Variants in CPO observed in about 807,000 individuals in gnomAD.
CPO encodes carboxypeptidase O, also known as metallocarboxypeptidase C.
CPO carries 43 observed loss-of-function variants against 41.2 expected under a neutral mutation model. The observed-to-expected ratio is 1.04, with a 90% CI of 0.82 to 1.35. The LOEUF is 1.35. Among genes scored for constraint, CPO ranks in the 40% most tolerant of loss-of-function variants. The pLI, the probability that CPO is intolerant of heterozygous loss-of-function variation, is 0.00. For missense variants in CPO, 408 were observed against 451.7 expected, an observed-to-expected ratio of 0.90 and a Z score of 0.88; for synonymous variants, 178 against 162.7, an observed-to-expected ratio of 1.09 and a Z score of -0.72.
chr2:206,969,093 C>G (rs1186207713), intron 8 of CPO, 81 bp from the exon 9 acceptor site: 25 of 1,385,954 alleles, frequency 1.8e-5, no homozygotes, highest in Non-Finnish European at 2.4e-5. Flanking sequence ...ACTAAGTGAA[C>G]CTTTAGTTCC....
chr2:206,962,722 T>A, intron 7 of CPO, 108 bp downstream of exon 7: 1 of 840,606 alleles, frequency 1.2e-6, no homozygotes, highest in South Asian at 1.5e-5. Flanking sequence ...TTTTGTTCTC[T>A]CTGCTTATCC....
At chr2:206,968,601 A>C (rs187881407) in intron 8 of CPO, among the ~76,000 whole-genome samples, 1 of 152,256 alleles carries the variant, frequency 6.6e-6, no homozygotes, top group Non-Finnish European at 1.5e-5. Flanking sequence ...CTTCAGTTAA[A>C]AAGAGCTGGC....
chr2:206,967,129 C>T (rs777559938), intron 7 of CPO, among the ~76,000 whole-genome samples: 7 of 151,966 alleles, frequency 4.6e-5, no homozygotes, highest in Non-Finnish European at 8.8e-5. Context: ...TGGGATATTC[C>T]GTCCGACAGG....
intron 2 of CPO, 90 bp downstream of exon 2, chr2:206,949,803 T>G: frequency 1.3e-6 from 1 of 754,808 alleles, no homozygotes; most frequent in Non-Finnish European, 2.3e-6. Flanking sequence ...ATCCATGCAT[T>G]AGAGAGGCTG....
At chr2:206,966,324 A>G (rs1344701239) in intron 7 of CPO, among the ~76,000 whole-genome samples, 1 of 152,092 alleles carries the variant, frequency 6.6e-6, no homozygotes, top group Non-Finnish European at 1.5e-5. Context: ...AAGGCCCCAC[A>G]TGGACCAGTT....
chr2:206,962,078 C>G (rs1353639371), intron 6 of CPO, among the ~76,000 whole-genome samples: 1 of 139,578 alleles, frequency 7.2e-6, no homozygotes, highest in African/African-American at 2.7e-5. Flanking sequence ...CCAGCCTGGG[C>G]GACAGAGCGA....
chr2:206,962,576 G>A lies in CPO; in HGVS notation c.739G>A (p.Gly247Ser), dbSNP rs750459789. ...TGGGCAGTTAATTCTCACACCTTAC[G>A]GCTACACCAAAAATAAATCAAGTAA... Reference protein sequence around the residue: ...SYGQLILTPYGYTKNKSSNHP... With the variant: ...SYGQLILTPYSYTKNKSSNHP... Residue 247 changes from glycine (G) to serine (S), a missense_variant, in exon 7 of 9, where the codon GGC (glycine) becomes AGC (serine). Physicochemically the swap from Gly to Ser is moderately conservative, Grantham distance 56. Coordinates refer to ENST00000272852, the MANE Select transcript of CPO (RefSeq NM_173077.3). 18 of 1,613,816 alleles carry A rather than the reference G, an allele frequency of 1.1e-5. No individual in the cohort carries two copies. The highest frequency in any genetic ancestry group is 7.7e-5 in the South Asian group (7 of 91,062).
intron 2 of CPO, among the ~76,000 whole-genome samples, chr2:206,951,398 G>C (rs1693261080): frequency 6.6e-6 from 1 of 152,098 alleles, no homozygotes; most frequent in Non-Finnish European, 1.5e-5. Context: ...AATCTTTTTT[G>C]AGGTATAAAT....
chr2:206,958,575 GAATT>G (rs922616101), intron 4 of CPO, among the ~76,000 whole-genome samples, 170 bp downstream of exon 4: 11 of 152,126 alleles, frequency 7.2e-5, no homozygotes, highest in African/African-American at 2.6e-4. Flanking sequence ...ACTGAAAACT[GAATT>G]AATATTCTGA....
At position 206,962,496 on chromosome 2, in the gene CPO, G is replaced by T; in HGVS notation, c.659G>T (p.Ser220Ile). 6.2e-7 allele frequency: 1 copy of T among 1,614,124 alleles called. No individual in the cohort carries two copies. The highest frequency in any genetic ancestry group is 2.2e-5 in the East Asian group (1 of 44,888). ...VSEPETKAVA[S>I]FIESKKDDIL... Reference sequence around the variant, plus strand: ...GAACCAGAGACTAAAGCTGTTGCCAGCTTCATAGAGAGCAAGAAGGATGAT... The same window carrying T: ...GAACCAGAGACTAAAGCTGTTGCCATCTTCATAGAGAGCAAGAAGGATGAT... Residue 220 changes from serine to isoleucine, a missense_variant, in exon 7 of 9, where the codon AGC (serine) becomes ATC (isoleucine). By Grantham distance (142) the Ser-to-Ile change is moderately radical. Coordinates refer to ENST00000272852, the MANE Select transcript of CPO (RefSeq NM_173077.3).
At chr2:206,958,509 A>C (rs920796256) in intron 4 of CPO, 104 bp downstream of exon 4, 2 of 625,336 alleles carry the variant, frequency 3.2e-6, no homozygotes, top group Admixed American at 5.5e-5. Flanking sequence ...TAGTGATGCA[A>C]CTCTTTACTG....
At chr2:206,949,041 A>T (rs879880339) in intron 1 of CPO, among the ~76,000 whole-genome samples, 11 of 150,792 alleles carry the variant, frequency 7.3e-5, no homozygotes, top group Non-Finnish European at 1.0e-4. Context: ...GTGCTAAATA[A>T]TAAAGTTTAT....
intron 7 of CPO, among the ~76,000 whole-genome samples, chr2:206,966,052 A>G (rs1443595389): frequency 1.3e-5 from 2 of 152,190 alleles, no homozygotes; most frequent in Non-Finnish European, 2.9e-5. Context: ...GCTTCCGCAT[A>G]GTAATTCCTC....
At chr2:206,952,642 G>T (rs1254988650) in intron 2 of CPO, among the ~76,000 whole-genome samples, 1 of 152,116 alleles carries the variant, frequency 6.6e-6, no homozygotes, top group African/African-American at 2.4e-5. Flanking sequence ...TGCTATTCAG[G>T]TCTACTCAAT....
Position 206,939,613 on chromosome 2 carries a change from T to C in CPO, c.14T>C (p.Leu5Pro), listed in dbSNP as rs760229722. 2.5e-6 allele frequency: 4 copies of C among 1,611,274 alleles called. No homozygotes were observed. The highest frequency in any genetic ancestry group is 3.4e-6 in the Non-Finnish European group (4 of 1,177,926). Residue 5 changes from leucine (L) to proline (P), a missense_variant, in exon 1 of 9, where the codon CTT (leucine) becomes CCT (proline). Leu to Pro is a moderately conservative substitution (Grantham distance 98). Coordinates refer to ENST00000272852, the MANE Select transcript of CPO (RefSeq NM_173077.3). MKPLLETLYLLGMLV... is the reference protein window; with the variant it reads MKPLPETLYLLGMLV... ...CTGTGTGGCAGAATGAAGCCTCTGC[T>C]TGAAACCCTTTATCTTTTGGGGATG...
At chr2:206,942,942 CTTTT>C (rs1693056266) in intron 1 of CPO, among the ~76,000 whole-genome samples, 2 of 152,116 alleles carry the variant, frequency 1.3e-5, no homozygotes. Flanking sequence ...AGACCATTCA[CTTTT>C]TTTGCATATG....
At chr2:206,943,744 A>AGATGATGGATAGAT (rs1693085074) in intron 1 of CPO, among the ~76,000 whole-genome samples, 1 of 135,968 alleles carries the variant, frequency 7.4e-6, no homozygotes, top group Non-Finnish European at 1.6e-5. Flanking sequence ...ATAGATAGAT[A>AGATGATGGATAGAT]GATAGATAGA....
chr2:206,962,515 G>A lies in CPO; in HGVS notation c.678G>A (p.Lys226=). ...TTGCCAGCTTCATAGAGAGCAAGAA[G>A]GATGATATTTTGTGCTTCCTGACCA... ...KAVASFIESK[K]DDILCFLTMH... The change falls in exon 7 of 9, where the codon AAG becomes AAA. Residue 226 remains lysine, a synonymous_variant. Transcript: ENST00000272852. 1.9e-6 allele frequency: 3 copies of A among 1,614,108 alleles called. No homozygotes were observed. The highest frequency in any genetic ancestry group is 2.2e-5 in the South Asian group (2 of 91,080).
chr2:206,963,602 C>T (rs1693519779), intron 7 of CPO, among the ~76,000 whole-genome samples: 1 of 152,162 alleles, frequency 6.6e-6, no homozygotes. Flanking sequence ...CAGTATTTAT[C>T]TTTTTATGAC....
Sources: gnomAD v4.1 joint callset for allele counts (sites outside exome capture counted in the v4.1 genomes callset) on GRCh38, gnomAD v4.1.1 for gene constraint, MANE v1.5 for transcripts, NCBI Gene and HGNC (gene_info 2026-07-23, HGNC 2026-07-21) for gene names.